Variants in SOAT2 observed in about 807,000 individuals in gnomAD.
SOAT2 encodes ACAT-2.
In SOAT2, 87 loss-of-function variants were observed where a neutral mutation model predicts 76.0. The ratio of observed to expected loss-of-function variants is 1.14; its 90% CI spans 0.96 to 1.37. The LOEUF is 1.37. SOAT2 is among the 40% of genes most tolerant of loss of function. The pLI, the probability that SOAT2 is intolerant of heterozygous loss-of-function variation, is 0.00. For synonymous variants in SOAT2, 285 were observed against 275.4 expected (o/e 1.03, Z -0.34); for missense variants, 686 against 682.1 (o/e 1.01, Z -0.06).
chr12:53,104,420 C>A (rs1477792545), intron 2 of SOAT2, among the ~76,000 whole-genome samples: 3 of 151,860 alleles, frequency 2.0e-5, no homozygotes, highest in Admixed American at 6.6e-5. Context: ...AGATGAGTGC[C>A]ACCAGGTGTG....
chr12:53,116,938 T>C (rs893937703), intron 7 of SOAT2, among the ~76,000 whole-genome samples: 2 of 151,358 alleles, frequency 1.3e-5, no homozygotes, highest in Admixed American at 6.6e-5. Flanking sequence ...ATTTCAACGT[T>C]ATTAATTGGC....
intron 12 of SOAT2, among the ~76,000 whole-genome samples, chr12:53,122,669 G>A (rs866670041): frequency 5.9e-5 from 9 of 151,930 alleles, no homozygotes; most frequent in African/African-American, 1.9e-4. Flanking sequence ...AGATCAACAG[G>A]ATCCCAAGGC....
chr12:53,120,090 C>A (rs1221103652), intron 10 of SOAT2, among the ~76,000 whole-genome samples: 1 of 152,204 alleles, frequency 6.6e-6, no homozygotes, highest in Non-Finnish European at 1.5e-5. Context: ...AATCACAACA[C>A]TTTGGGAGGC....
rs765177222 is a variant in SOAT2, at chr12:53,120,889, G to T, written c.1137+6G>T. On this transcript the variant is annotated splice_donor_region_variant and intron_variant, in intron 11 of 14. Transcript: ENST00000301466. ...GAGACAGGATGTTCTACCGGGTGGG[G>T]CCTGGACCTAGGCCAGTTGGAAGCT... The T allele has an allele frequency of 6.2e-7, 1 of 1,611,828 alleles. No homozygotes were observed. The highest frequency in any genetic ancestry group is 2.2e-5 in the East Asian group (1 of 44,858).
chr12:53,104,039 T>A, intron 1 of SOAT2, 112 bp from the exon 2 acceptor site: 1 of 905,966 alleles, frequency 1.1e-6, no homozygotes, highest in Non-Finnish European at 1.9e-6. Context: ...ATTGGCTGGT[T>A]GGGGTGAGGG....
chr12:53,120,675 A>T (rs1408726249), intron 10 of SOAT2, 111 bp from the exon 11 acceptor site: 4 of 718,912 alleles, frequency 5.6e-6, no homozygotes, highest in Non-Finnish European at 9.9e-6. Context: ...AATGAATGGT[A>T]AGAGTTGGGG....
At chr12:53,123,253 C>T (rs1469897062) in intron 13 of SOAT2, 37 bp downstream of exon 13, 12 of 1,611,664 alleles carry the variant, frequency 7.4e-6, no homozygotes, top group Non-Finnish European at 1.0e-5. Flanking sequence ...GGGAGCCATC[C>T]AGAGGGAGGC....
At chr12:53,123,320 T>G in intron 13 of SOAT2, 104 bp downstream of exon 13, 1 of 1,424,926 alleles carries the variant, frequency 7.0e-7, no homozygotes, top group Middle Eastern at 1.8e-4. Flanking sequence ...CCCCCAGGCC[T>G]GGAGGCAAGG....
In SOAT2 at chr12:53,115,432, G is replaced by T. The variant is rs770237324; in HGVS notation, c.486G>T (p.Gln162His). The change falls in exon 6 of 15, where the codon CAG becomes CAT. Residue 162 changes from glutamine to histidine, a missense_variant. Gln to His is a conservative substitution (Grantham distance 24). Transcript: ENST00000301466. ...ACCTACTGATCTTCAGCTTCGGACAGCTGCCATTGGCGCTGGTGACCTGGG... is the reference window on the plus strand; with the variant it reads ...ACCTACTGATCTTCAGCTTCGGACATCTGCCATTGGCGCTGGTGACCTGGG... ...EFDLLIFSFG[Q>H]LPLALVTWVP... The T allele has an allele frequency of 6.2e-7, 1 of 1,611,550 alleles. No homozygotes were observed. Among genetic ancestry groups the T allele is most frequent in the East Asian group, 2.2e-5 (1 of 44,868 alleles).
intron 7 of SOAT2, among the ~76,000 whole-genome samples, chr12:53,118,080 A>G (rs1938132606): frequency 6.6e-6 from 1 of 152,122 alleles, no homozygotes; most frequent in Non-Finnish European, 1.5e-5. Flanking sequence ...GTGGGTACCA[A>G]ATGAAGCTCT....
chr12:53,108,233 G>T (rs1937964532), intron 5 of SOAT2, among the ~76,000 whole-genome samples: 1 of 152,176 alleles, frequency 6.6e-6, no homozygotes, highest in Non-Finnish European at 1.5e-5. Flanking sequence ...GTCAGAAAAT[G>T]ACATTCTTTA....
At chr12:53,122,373 G>A (rs1938204984) in intron 12 of SOAT2, among the ~76,000 whole-genome samples, 1 of 145,446 alleles carries the variant, frequency 6.9e-6, no homozygotes, top group Non-Finnish European at 1.5e-5. Context: ...ATTCTTGGGT[G>A]TTTCTCGCAG....
chr12:53,103,843 T>C (rs1937880873), intron 1 of SOAT2, among the ~76,000 whole-genome samples, 184 bp downstream of exon 1: 1 of 152,192 alleles, frequency 6.6e-6, no homozygotes, highest in Admixed American at 6.5e-5. Context: ...AGAAAAGAGC[T>C]ATGTCAGAGC....
At position 53,105,574 on chromosome 12, in the gene SOAT2, TC is replaced by T; in HGVS notation, c.292del (p.Leu98TrpfsTer17). The stretch of plus-strand genomic sequence containing the variant: ...ATCTCAATTCAGGACCCAGGAGCCA[TC>T]CCTGGGGAAACAGAAAGTTTTCATC... ...PGSLSRTQEPSLGKQKVFIIR... is the reference protein window; with the variant it reads ...PGSLSRTQEPXLGKQKVFIIR... On this transcript the variant is annotated frameshift_variant, in exon 4 of 15. Transcript: ENST00000301466. LOFTEE classifies it high-confidence loss of function. 6.2e-7 allele frequency: 1 copy of T among 1,611,740 alleles called. No homozygotes were observed. The highest frequency in any genetic ancestry group is 8.5e-7 in the Non-Finnish European group (1 of 1,178,732).
intron 13 of SOAT2, 55 bp downstream of exon 13, chr12:53,123,271 C>CTGCT: frequency 6.2e-7 from 1 of 1,605,898 alleles, no homozygotes; most frequent in African/African-American, 1.3e-5. Context: ...GGCCTGCATC[C>CTGCT]TGCTCCTGCA....
rs745921256 is a variant in SOAT2, at chr12:53,106,023, C to T, written c.443+9C>T. On this transcript the variant is annotated intron_variant, in intron 5 of 14. Transcript: ENST00000301466. Reference sequence around the variant, plus strand: ...TTCATTGATGAGGGCAGGTAGGTCCCCTTCCCACCTGGGACAGGCACACCT... The same window carrying T: ...TTCATTGATGAGGGCAGGTAGGTCCTCTTCCCACCTGGGACAGGCACACCT... 6.3e-7 allele frequency: 1 copy of T among 1,597,458 alleles called. No homozygotes were observed. The highest frequency in any genetic ancestry group is 8.6e-7 in the Non-Finnish European group (1 of 1,165,272).
At chr12:53,119,339 T>A (rs766839759) in intron 10 of SOAT2, 86 bp downstream of exon 10, 1 of 1,417,880 alleles carries the variant, frequency 7.1e-7, no homozygotes, top group Non-Finnish European at 9.7e-7. Context: ...TCCCTCAGTT[T>A]CAACACGTTC....
chr12:53,108,623 CA>C lies in SOAT2; in HGVS notation c.443+2614del, dbSNP rs776402453. 2.0e-5 allele frequency among the ~76,000 whole-genome samples: 3 copies of C among 152,140 alleles called. No homozygotes were observed. The East Asian group carries it at 5.8e-4, about 29-fold the overall frequency. ...AACAAAGGACTAGCAACATTTTAAG[CA>C]AAAAGTGAAAAAGATCACTTCAATC... On this transcript the variant is annotated intron_variant, in intron 5 of 14. Transcript: ENST00000301466.
Position 53,107,622 on chromosome 12 carries a change from C to CTTTTTTTTTTTTTTTTTTTTTT in SOAT2, c.443+1626_443+1627insTTTTTTTTTTTTTTTTTTTTTT, listed in dbSNP as rs1303838303. On this transcript the variant is annotated intron_variant, in intron 5 of 14. Coordinates refer to ENST00000301466, the MANE Select transcript of SOAT2 (RefSeq NM_003578.4). Reference sequence around the variant, plus strand: ...AGACTAGAATTTAACAACAGATGTACTTTTTTTTTTTTTTTTTTGAGACAG... The same window carrying CTTTTTTTTTTTTTTTTTTTTTT: ...AGACTAGAATTTAACAACAGATGTACTTTTTTTTTTTTTTTTTTTTTTTTTTTTTTTTTTTTTTTTGAGACAG... Among the ~76,000 whole-genome samples the CTTTTTTTTTTTTTTTTTTTTTT allele has an allele frequency of 2.5e-4, 29 of 117,020 alleles. 2 individuals are homozygous for CTTTTTTTTTTTTTTTTTTTTTT. Among genetic ancestry groups the CTTTTTTTTTTTTTTTTTTTTTT allele is most frequent in the African/African-American group, 7.7e-4 (21 of 27,206 alleles). The allele number at this position is 117,020 out of a possible 152,430, so 76.8% of individuals were successfully genotyped here.
Sources: allele counts gnomAD v4.1 joint callset (sites outside exome capture counted in the v4.1 genomes callset), GRCh38; gene constraint gnomAD v4.1.1; transcripts MANE v1.5; gene names NCBI Gene and HGNC (gene_info 2026-07-23, HGNC 2026-07-21).